Variants in TMEM272 observed in about 807,000 individuals in gnomAD.
TMEM272 encodes transmembrane protein 272.
Under a neutral mutation model 3.7 loss-of-function variants are expected in TMEM272, and 8 were observed. The ratio of observed to expected loss-of-function variants is 2.17; its 90% CI spans 1.27 to 3.91. The LOEUF is 3.91. TMEM272 is among the 30% of genes most tolerant of loss of function. TMEM272 has a pLI of 0.00. For synonymous variants in TMEM272, 63 were observed against 39.8 expected (o/e 1.58, Z -2.20); for missense variants, 166 against 91.5 (o/e 1.81, Z -3.32).
At chr13:51,910,256 T>C in the TMEM272 span, 1 of 1,402,952 alleles carries the variant, frequency 7.1e-7, no homozygotes, top group Admixed American at 1.7e-5. Flanking sequence ...TTTGTGCTTC[T>C]GTTGCCTCCT....
chr13:51,879,607 T>C, the TMEM272 span, among the ~76,000 whole-genome samples: 1 of 152,156 alleles, frequency 6.6e-6, no homozygotes, highest in Non-Finnish European at 1.5e-5. Context: ...GGTCGCTATA[T>C]AAAGGCAAAT....
the TMEM272 span, among the ~76,000 whole-genome samples, chr13:51,929,922 C>T: frequency 6.6e-6 from 1 of 152,256 alleles, no homozygotes; most frequent in African/African-American, 2.4e-5. Context: ...CTGACCAGGA[C>T]CTGGATCTGC....
chr13:51,838,174 C>T (rs868081140), intron 2 of TMEM272, among the ~76,000 whole-genome samples: 3 of 152,172 alleles, frequency 2.0e-5, no homozygotes, highest in South Asian at 4.1e-4. Context: ...TTGCCCAGCA[C>T]GGCTGCCATC....
In TMEM272 at chr13:51,816,683, G is replaced by T. The variant is rs1192969873; in HGVS notation, c.*68C>A. 4.7e-6 allele frequency: 3 copies of T among 639,888 alleles called. No homozygotes were observed. Among genetic ancestry groups the T allele is most frequent in the Non-Finnish European group, 8.6e-6 (3 of 350,282 alleles). The allele number at this position is 639,888 out of a possible 1,614,324, so 39.6% of individuals were successfully genotyped here. A position where few individuals can be genotyped will look rare whatever the true frequency, so the allele number is the denominator to read the frequency against. On this transcript the variant is annotated 3_prime_UTR_variant, in exon 5 of 5. Coordinates refer to ENST00000629372, the MANE Select transcript of TMEM272 (RefSeq NM_001351003.2). Reference sequence around the variant, plus strand: ...TGTGTGTGTGTGTGTGTGTGCGTCTGTGTGTCTGTGTGCACGCGCGTGCAT... The same window carrying T: ...TGTGTGTGTGTGTGTGTGTGCGTCTTTGTGTCTGTGTGCACGCGCGTGCAT...
the TMEM272 span, among the ~76,000 whole-genome samples, chr13:51,895,215 G>C: frequency 6.6e-6 from 1 of 152,160 alleles, no homozygotes; most frequent in Non-Finnish European, 1.5e-5. Flanking sequence ...CTGACTTAAA[G>C]GAAAAAGGAA....
the TMEM272 span, among the ~76,000 whole-genome samples, chr13:51,901,524 T>A: frequency 1.5e-5 from 2 of 129,494 alleles, no homozygotes; most frequent in Admixed American, 2.0e-4. Flanking sequence ...AAGTCAAAAA[T>A]GAAGAAGAAT....
the TMEM272 span, among the ~76,000 whole-genome samples, chr13:51,856,616 C>T: frequency 3.3e-5 from 5 of 152,182 alleles, no homozygotes; most frequent in Non-Finnish European, 7.3e-5. Context: ...ATTTCTCTTA[C>T]CGTCATCATT....
At chr13:51,902,534 T>C in the TMEM272 span, among the ~76,000 whole-genome samples, 7 of 152,356 alleles carry the variant, frequency 4.6e-5, no homozygotes, top group African/African-American at 1.7e-4. Context: ...TATGTTATCA[T>C]AGCTACTCTA....
At chr13:51,925,776 A>C in the TMEM272 span, among the ~76,000 whole-genome samples, 1 of 152,080 alleles carries the variant, frequency 6.6e-6, no homozygotes, top group Non-Finnish European at 1.5e-5. Flanking sequence ...CCATGAAATC[A>C]CACTTCAGTG....
chr13:51,865,826 C>T, the TMEM272 span: 21 of 1,614,070 alleles, frequency 1.3e-5, no homozygotes, highest in Non-Finnish European at 1.8e-5. Flanking sequence ...CCGGAACCTT[C>T]TTCAGGAGGA....
the TMEM272 span, chr13:51,865,365 T>C: frequency 6.4e-7 from 1 of 1,566,284 alleles, no homozygotes; most frequent in Non-Finnish European, 8.6e-7. Flanking sequence ...TGGCCAAGGG[T>C]CCTGTCATCC....
intron 3 of TMEM272, among the ~76,000 whole-genome samples, 163 bp from the exon 4 acceptor site, chr13:51,822,300 C>T (rs145914130): frequency 1.3e-5 from 2 of 152,272 alleles, no homozygotes; most frequent in African/African-American, 4.8e-5. Context: ...CCTCAGGAAG[C>T]TCAGTGGATT....
chr13:51,883,446 G>A, the TMEM272 span, among the ~76,000 whole-genome samples: 1 of 152,334 alleles, frequency 6.6e-6, no homozygotes. Flanking sequence ...GAAGGGGCCT[G>A]AAGTGGGCAG....
chr13:51,848,456 A>T (rs1350745803), upstream of TMEM272, among the ~76,000 whole-genome samples: 1 of 152,150 alleles, frequency 6.6e-6, no homozygotes, highest in East Asian at 1.9e-4. Flanking sequence ...TCAGAGTATA[A>T]ATTTTTAAAT....
intron 3 of TMEM272, among the ~76,000 whole-genome samples, chr13:51,822,494 T>C (rs1232486490): frequency 6.6e-6 from 1 of 152,224 alleles, no homozygotes; most frequent in East Asian, 1.9e-4. Context: ...AGGATCCCTT[T>C]AAATATACGG....
the TMEM272 span, among the ~76,000 whole-genome samples, chr13:51,930,136 C>CA: frequency 6.6e-6 from 1 of 151,928 alleles, no homozygotes; most frequent in African/African-American, 2.4e-5. Flanking sequence ...TTCCCCCCCC[C>CA]CACTTTCTAT....
the TMEM272 span, among the ~76,000 whole-genome samples, chr13:51,887,257 T>C: frequency 3.9e-5 from 6 of 152,116 alleles, no homozygotes; most frequent in Non-Finnish European, 5.9e-5. Context: ...CCCATACTTC[T>C]TAGAGTCACT....
At chr13:51,931,353 G>A in the TMEM272 span, among the ~76,000 whole-genome samples, 26 of 149,000 alleles carry the variant, frequency 1.7e-4, no homozygotes, top group East Asian at 4.7e-3. Context: ...CATGGATGAA[G>A]CTAGAAACCA....
chr13:51,829,643 G>A (rs1371426153), intron 2 of TMEM272, among the ~76,000 whole-genome samples: 2 of 152,060 alleles, frequency 1.3e-5, no homozygotes, highest in African/African-American at 4.8e-5. Context: ...AAAAGTGATC[G>A]GCATCCTGAA....
Sources: allele counts gnomAD v4.1 joint callset (sites outside exome capture counted in the v4.1 genomes callset), GRCh38; gene constraint gnomAD v4.1.1; transcripts MANE v1.5; gene names NCBI Gene and HGNC (gene_info 2026-07-23, HGNC 2026-07-21).